The following DYRK1A variants were observed in gnomAD, a reference collection of about 807,000 sequenced individuals.
DYRK1A encodes the protein dual specificity tyrosine phosphorylation regulated kinase 1A, also known as dual specificity tyrosine-phosphorylation-regulated kinase 1A.
A neutral mutation model predicts 79.7 loss-of-function variants in DYRK1A; 9 were observed. The observed-to-expected ratio is 0.11, with a 90% CI of 0.07 to 0.20. The LOEUF (loss-of-function observed/expected upper bound fraction) is 0.20. Ranked by LOEUF, DYRK1A falls within the 10% of genes least tolerant of loss-of-function variation. The pLI, the probability that DYRK1A is intolerant of heterozygous loss-of-function variation, is 1.00. For missense variants in DYRK1A, 622 were observed against 956.0 expected (o/e 0.65, Z 4.61); for synonymous variants, 349 against 329.7 (o/e 1.06, Z -0.63).
chr21:37,478,719 T>C (rs1601221776), intron 4 of DYRK1A, among the ~76,000 whole-genome samples: 1 of 152,218 alleles, frequency 6.6e-6, no homozygotes, highest in South Asian at 2.1e-4. Flanking sequence ...CTCTGAAATA[T>C]GTTTAATACC....
chr21:37,493,867 C>T (rs1230685678), intron 8 of DYRK1A, among the ~76,000 whole-genome samples: 4 of 151,560 alleles, frequency 2.6e-5, no homozygotes, highest in South Asian at 2.1e-4. Context: ...TGACTTGTAC[C>T]GGATTACACA....
intron 7 of DYRK1A, among the ~76,000 whole-genome samples, chr21:37,491,790 T>G (rs535472127): frequency 5.9e-5 from 9 of 152,236 alleles, no homozygotes; most frequent in Non-Finnish European, 1.2e-4. Flanking sequence ...TTCCCCCTAT[T>G]TAAGCCAAAT....
At chr21:37,392,663 C>T (rs2049892941) in intron 1 of DYRK1A, among the ~76,000 whole-genome samples, 1 of 152,218 alleles carries the variant, frequency 6.6e-6, no homozygotes, top group Admixed American at 6.5e-5. Flanking sequence ...TCCCCAAAGG[C>T]TCCACCTCTT....
At chr21:37,509,886 A>G (rs1164369501) in intron 11 of DYRK1A, among the ~76,000 whole-genome samples, 1 of 152,238 alleles carries the variant, frequency 6.6e-6, no homozygotes, top group African/African-American at 2.4e-5. Context: ...AAATTTCAGA[A>G]GCAATTCGTA....
chr21:37,432,974 TA>T (rs1301962561), intron 2 of DYRK1A, among the ~76,000 whole-genome samples: 1,790 of 114,874 alleles, frequency 0.016, 23 homozygotes, highest in African/African-American at 0.045. Flanking sequence ...AAACTCCATC[TA>T]AAAAAAAAAA....
At chr21:37,412,681 T>C (rs2050266119) in intron 1 of DYRK1A, among the ~76,000 whole-genome samples, 1 of 152,108 alleles carries the variant, frequency 6.6e-6, no homozygotes, top group South Asian at 2.1e-4. Flanking sequence ...CGAAAATGGA[T>C]AGGATTTAGT....
At chr21:37,379,462 G>C (rs2049613409) in intron 1 of DYRK1A, among the ~76,000 whole-genome samples, 1 of 152,208 alleles carries the variant, frequency 6.6e-6, no homozygotes, top group African/African-American at 2.4e-5. Context: ...AAGGTTCTAG[G>C]AATGCAGTGA....
chr21:37,416,794 C>T (rs918145424), intron 1 of DYRK1A, among the ~76,000 whole-genome samples: 12 of 151,930 alleles, frequency 7.9e-5, no homozygotes, highest in African/African-American at 2.9e-4. Flanking sequence ...TTTTAGATCC[C>T]AGTGTGCACT....
Position 37,505,501 on chromosome 21 carries a change from T to C in DYRK1A, c.1431T>C (p.Gly477=), listed in dbSNP as rs1403054111. Residue 477 remains glycine (G), a synonymous_variant, in exon 10 of 12, where the codon GGT becomes GGC. Coordinates refer to ENST00000647188, the MANE Select transcript of DYRK1A (RefSeq NM_001347721.2). ...HSFFKKTADE[G]TNTSNSVSTS... ...TCTTCAAGAAAACAGCTGATGAAGG[T>C]ACAAATACAAGTAATAGTGTATCTA... 27 of 1,614,020 alleles carry C rather than the reference T, an allele frequency of 1.7e-5. No individual in the cohort carries two copies. The highest frequency in any genetic ancestry group is 2.2e-5 in the Non-Finnish European group (26 of 1,180,040).
chr21:37,438,167 T>G (rs2148469759), intron 2 of DYRK1A, among the ~76,000 whole-genome samples: 2 of 152,322 alleles, frequency 1.3e-5, no homozygotes, highest in South Asian at 4.1e-4. Context: ...TTTGTCATTC[T>G]TTTTTCGGTT....
At chr21:37,492,703 T>C (rs568723678) in intron 7 of DYRK1A, among the ~76,000 whole-genome samples, 1 of 152,290 alleles carries the variant, frequency 6.6e-6, no homozygotes, top group African/African-American at 2.4e-5. Context: ...GGAAATACAT[T>C]GCTTTCAATA....
At chr21:37,453,539 C>T (rs1045561714) in intron 2 of DYRK1A, among the ~76,000 whole-genome samples, 1 of 152,172 alleles carries the variant, frequency 6.6e-6, no homozygotes, top group South Asian at 2.1e-4. Context: ...GAAGTCAGCA[C>T]GTGACTGATG....
chr21:37,385,781 G>A (rs908813879), intron 1 of DYRK1A, among the ~76,000 whole-genome samples: 1 of 152,132 alleles, frequency 6.6e-6, no homozygotes, highest in African/African-American at 2.4e-5. Context: ...ACCATACCAT[G>A]TTCTTCTAGT....
At chr21:37,463,723 T>TA (rs1490986534) in intron 2 of DYRK1A, among the ~76,000 whole-genome samples, 2 of 152,228 alleles carry the variant, frequency 1.3e-5, no homozygotes, top group Non-Finnish European at 1.5e-5. Flanking sequence ...TTCGTTCACT[T>TA]ACCCTCTTAA....
rs568514750 is a variant in DYRK1A at position 37,484,501 on chromosome 21, A to G, written c.490-1966A>G. On this transcript the variant is annotated intron_variant, in intron 5 of 11. Coordinates refer to ENST00000647188, the MANE Select transcript of DYRK1A (RefSeq NM_001347721.2). ...CCCCCACCACACCTGGCTAATTTTT[A>G]TATTTTTAGTAGAGATGGGATTTCA... 6.6e-5 allele frequency among the ~76,000 whole-genome samples: 10 copies of G among 151,652 alleles called. No individual in the cohort carries two copies. In the South Asian group the frequency reaches 1.7e-3, roughly 25 times the overall value.
intron 2 of DYRK1A, among the ~76,000 whole-genome samples, chr21:37,432,466 C>T (rs946666917): frequency 6.6e-6 from 1 of 152,178 alleles, no homozygotes; most frequent in Non-Finnish European, 1.5e-5. Flanking sequence ...ACTGTGGTGG[C>T]AGCCTCACTT....
At chr21:37,373,652 G>C (rs995987433) in intron 1 of DYRK1A, among the ~76,000 whole-genome samples, 1 of 152,204 alleles carries the variant, frequency 6.6e-6, no homozygotes, top group Non-Finnish European at 1.5e-5. Flanking sequence ...TCCAGGAATA[G>C]GATTTTGGGA....
chr21:37,444,246 CAG>C (rs2148485073), intron 2 of DYRK1A, among the ~76,000 whole-genome samples: 1 of 152,308 alleles, frequency 6.6e-6, no homozygotes, highest in African/African-American at 2.4e-5. Flanking sequence ...CACTGTCTCC[CAG>C]TACCACCTGT....
chr21:37,366,608 G>C (rs1230834226), upstream of DYRK1A, among the ~76,000 whole-genome samples: 2 of 151,772 alleles, frequency 1.3e-5, no homozygotes, highest in Non-Finnish European at 2.9e-5. Context: ...TGACCTGAGG[G>C]GGTTGGGTGG....
Sources: gnomAD v4.1 joint callset for allele counts (sites outside exome capture counted in the v4.1 genomes callset) on GRCh38, gnomAD v4.1.1 for gene constraint, MANE v1.5 for transcripts, NCBI Gene and HGNC (gene_info 2026-07-23, HGNC 2026-07-21) for gene names.